MED13L: variants seen among roughly 807,000 people sequenced by gnomAD.
MED13L encodes the protein mediator of RNA polymerase II transcription subunit 13-like.
In MED13L, 7 loss-of-function variants were observed where a neutral mutation model predicts 220.9. The ratio of observed to expected loss-of-function variants is 0.03; its 90% CI spans 0.02 to 0.06. The LOEUF is 0.06. Ranked by LOEUF, MED13L falls within the 10% of genes least tolerant of loss-of-function variation. MED13L has a pLI of 1.00. For missense variants in MED13L, 1,965 were observed against 2,760.5 expected, an observed-to-expected ratio of 0.71 and a Z score of 6.46; for synonymous variants, 1,011 against 1,015.2, an observed-to-expected ratio of 1.00 and a Z score of 0.08.
intron 2 of MED13L, among the ~76,000 whole-genome samples, chr12:116,147,786 C>T (rs1334692439): frequency 6.6e-6 from 1 of 151,938 alleles, no homozygotes; most frequent in Non-Finnish European, 1.5e-5. Flanking sequence ...TGAACATGTG[C>T]TAATTTCATA....
At chr12:116,212,921 A>T (rs1055587499) in intron 2 of MED13L, among the ~76,000 whole-genome samples, 10 of 152,284 alleles carry the variant, frequency 6.6e-5, no homozygotes, top group African/African-American at 2.2e-4. Context: ...TAACTCCTTG[A>T]CATGCTGCCA....
In MED13L at chr12:115,963,021, G is replaced by A. The variant is rs367633428; in HGVS notation, c.6500+386C>T. Among the ~76,000 whole-genome samples the A allele has an allele frequency of 1.5e-4, 23 of 152,164 alleles. No homozygotes were observed. In the East Asian group the frequency reaches 2.9e-3, roughly 19 times the overall value. ...GGGTGACAGAGCGAGACTCCATCTC[G>A]AATAAACAAACAAAAATACATAATC... On this transcript the variant is annotated intron_variant, in intron 30 of 30. Transcript: ENST00000281928.
intron 9 of MED13L, 24 bp from the exon 10 acceptor site, chr12:116,009,156 A>G: frequency 1.2e-6 from 2 of 1,613,472 alleles, no homozygotes; most frequent in South Asian, 1.1e-5. Context: ...AAACAATTAC[A>G]TCATTATAAC....
intron 2 of MED13L, among the ~76,000 whole-genome samples, chr12:116,211,550 A>G (rs552136709): frequency 8.2e-4 from 125 of 152,332 alleles, no homozygotes; most frequent in Middle Eastern, 3.4e-3. Context: ...TCGGCCTACA[A>G]GGCTCCTAAA....
At chr12:115,964,240 T>G (rs1875979379) in intron 29 of MED13L, among the ~76,000 whole-genome samples, 1 of 152,242 alleles carries the variant, frequency 6.6e-6, no homozygotes, top group African/African-American at 2.4e-5. Flanking sequence ...CAATGATTCC[T>G]TAATATTATC....
At chr12:115,963,551 G>A in intron 29 of MED13L, 32 bp from the exon 30 acceptor site, 1 of 1,477,752 alleles carries the variant, frequency 6.8e-7, no homozygotes, top group Non-Finnish European at 9.4e-7. Context: ...TTACCTCTCT[G>A]GTCTAGACAA....
At chr12:116,007,207 G>T in intron 11 of MED13L, 1 of 614,804 alleles carries the variant, frequency 1.6e-6, no homozygotes. Context: ...TTTATGTTCG[G>T]CTGACTTTTA....
intron 2 of MED13L, among the ~76,000 whole-genome samples, chr12:116,116,226 C>T (rs955192465): frequency 6.6e-6 from 1 of 152,102 alleles, no homozygotes; most frequent in South Asian, 2.1e-4. Context: ...TCTATCTCAG[C>T]CCCCTATTCC....
rs564500264 is a variant in MED13L at position 116,217,921 on chromosome 12, T to C, written c.310+19547A>G. ...ATTCAAAATGCATTAATTAAGTTTC[T>C]GGAAAAAATGAGCAACTAGTTATAT... On this transcript the variant is annotated intron_variant, in intron 2 of 30. Transcript: ENST00000281928. Among the ~76,000 whole-genome samples the C allele has an allele frequency of 2.6e-5, 4 of 152,316 alleles. No individual in the cohort carries two copies. In the South Asian group the frequency reaches 6.2e-4, roughly 24 times the overall value.
chr12:116,276,339 T>C, intron 1 of MED13L: 1 of 590,810 alleles, frequency 1.7e-6, no homozygotes, highest in South Asian at 1.7e-5. Flanking sequence ...TGTGTGTGTG[T>C]GTGTGTGTGT....
At chr12:116,115,160 T>C (rs2137919288) in intron 2 of MED13L, among the ~76,000 whole-genome samples, 1 of 152,214 alleles carries the variant, frequency 6.6e-6, no homozygotes, top group South Asian at 2.1e-4. Flanking sequence ...GTTCTAGGTT[T>C]AGTATGAATT....
chr12:116,048,360 G>A (rs984428418), intron 4 of MED13L, among the ~76,000 whole-genome samples: 2 of 152,222 alleles, frequency 1.3e-5, no homozygotes, highest in Middle Eastern at 6.8e-3. Flanking sequence ...AAAAGAGACT[G>A]CACCTATCAG....
At chr12:116,116,045 C>A (rs1441965991) in intron 2 of MED13L, among the ~76,000 whole-genome samples, 1 of 152,166 alleles carries the variant, frequency 6.6e-6, no homozygotes, top group Non-Finnish European at 1.5e-5. Context: ...TTGTGAAACA[C>A]ATATTTGGTC....
intron 25 of MED13L, among the ~76,000 whole-genome samples, chr12:115,973,495 A>G (rs532949468): frequency 1.4e-3 from 216 of 152,340 alleles, no homozygotes; most frequent in Non-Finnish European, 2.3e-3. Context: ...AGAGATAAGG[A>G]AGAAGAATGT....
chr12:116,249,614 C>A (rs1177478952), intron 1 of MED13L, among the ~76,000 whole-genome samples: 1 of 150,620 alleles, frequency 6.6e-6, no homozygotes, highest in Non-Finnish European at 1.5e-5. Flanking sequence ...TAAAGAAAAA[C>A]ACAAACATAA....
At chr12:116,112,185 A>G (rs1186097963) in intron 2 of MED13L, among the ~76,000 whole-genome samples, 2 of 152,236 alleles carry the variant, frequency 1.3e-5, no homozygotes, top group African/African-American at 2.4e-5. Flanking sequence ...TGCCCCATGC[A>G]TTCCTAAAAT....
Position 115,963,511 on chromosome 12 carries a change from C to T in MED13L, c.6396G>A (p.Leu2132=), listed in dbSNP as rs113219038. The change falls in exon 30 of 31, where the codon CTG becomes CTA. Residue 2132 remains leucine, a synonymous_variant. Transcript: ENST00000281928. ...NQCPLFLKAS[L]HHHISVAQTD... ...TCTGTGCTACTGAAATGTGGTGATGCAGCGAAGCCTGGTGAAAAAACAAAG... is the reference window on the plus strand; with the variant it reads ...TCTGTGCTACTGAAATGTGGTGATGTAGCGAAGCCTGGTGAAAAAACAAAG... The T allele has an allele frequency of 5.0e-6, 8 of 1,612,824 alleles. No homozygotes were observed. In the African/African-American group the frequency reaches 5.3e-5, roughly 11 times the overall value.
At chr12:116,145,500 T>C (rs979146558) in intron 2 of MED13L, among the ~76,000 whole-genome samples, 1 of 152,074 alleles carries the variant, frequency 6.6e-6, no homozygotes, top group Non-Finnish European at 1.5e-5. Context: ...AGCGCTTTTT[T>C]TTCTTTTCTC....
chr12:116,164,795 A>G lies in MED13L; in HGVS notation c.311-53283T>C, dbSNP rs549498591. ...AACAGATGTTAAAGCCTAGGTATAG[A>G]ATGAATTTTAGCCTGAAATGTAGGC... On this transcript the variant is annotated intron_variant, in intron 2 of 30. Coordinates refer to ENST00000281928, the MANE Select transcript of MED13L (RefSeq NM_015335.5). Among the ~76,000 whole-genome samples, 131 of 152,340 alleles carry G rather than the reference A, an allele frequency of 8.6e-4. 2 individuals are homozygous for G. The Middle Eastern group carries it at 0.01, about 12-fold the overall frequency.
Sources: gnomAD v4.1 joint callset for allele counts (sites outside exome capture counted in the v4.1 genomes callset) on GRCh38, gnomAD v4.1.1 for gene constraint, MANE v1.5 for transcripts, NCBI Gene and HGNC (gene_info 2026-07-23, HGNC 2026-07-21) for gene names.